LRRC37A2: variants seen among roughly 807,000 people sequenced by gnomAD.
LRRC37A2 encodes the protein leucine-rich repeat-containing protein 37A2.
In LRRC37A2, 9 loss-of-function variants were observed where a neutral mutation model predicts 68.8. That is an observed-to-expected ratio of 0.13 (90% CI 0.08 to 0.23). The LOEUF is 0.23. Among genes scored for constraint, LRRC37A2 ranks in the 10% least tolerant of loss-of-function variants. LRRC37A2 has a pLI of 1.00. For synonymous variants in LRRC37A2, 63 were observed against 367.6 expected, an observed-to-expected ratio of 0.17 and a Z score of 9.48; for missense variants, 168 against 950.4, an observed-to-expected ratio of 0.18 and a Z score of 10.82.
the LRRC37A2 span, among the ~76,000 whole-genome samples, chr17:47,002,903 T>C: frequency 2.5e-3 from 380 of 152,170 alleles, 1 homozygote; most frequent in African/African-American, 7.7e-3. Context: ...AAAATCAATA[T>C]AATGCCCTAA....
chr17:46,935,387 T>C, the LRRC37A2 span: 1 of 1,439,120 alleles, frequency 6.9e-7, no homozygotes, highest in South Asian at 1.5e-5. Flanking sequence ...AACCATGAAG[T>C]GGCCTCTCTT....
chr17:46,942,757 T>C, the LRRC37A2 span, among the ~76,000 whole-genome samples: 1 of 152,194 alleles, frequency 6.6e-6, no homozygotes, highest in Non-Finnish European at 1.5e-5. Context: ...CACACTGCCT[T>C]AGGCCTGCTG....
the LRRC37A2 span, among the ~76,000 whole-genome samples, chr17:46,877,282 C>G: frequency 1.2e-3 from 180 of 152,350 alleles, no homozygotes; most frequent in African/African-American, 4.1e-3. Flanking sequence ...GGAGAAAGCA[C>G]AGGTGGTAGA....
chr17:46,836,838 G>C, the LRRC37A2 span, among the ~76,000 whole-genome samples: 1 of 152,204 alleles, frequency 6.6e-6, no homozygotes, highest in Non-Finnish European at 1.5e-5. Flanking sequence ...TTTTTAAAAA[G>C]CTAGATGTGT....
the LRRC37A2 span, among the ~76,000 whole-genome samples, chr17:46,770,571 G>A: frequency 6.6e-6 from 1 of 152,112 alleles, no homozygotes; most frequent in African/African-American, 2.4e-5. Flanking sequence ...TCCTTTTCTC[G>A]GTCTCAGTCG....
chr17:46,866,888 C>G, the LRRC37A2 span, among the ~76,000 whole-genome samples: 3 of 152,142 alleles, frequency 2.0e-5, no homozygotes, highest in Non-Finnish European at 4.4e-5. Flanking sequence ...GCTTGGGGTC[C>G]TCTTAGGTGA....
At chr17:46,758,535 CATAAG>C in the LRRC37A2 span, among the ~76,000 whole-genome samples, 5 of 152,164 alleles carry the variant, frequency 3.3e-5, no homozygotes, top group African/African-American at 9.7e-5. Context: ...ATTTTTTTGT[CATAAG>C]ATGTTTTTGA....
the LRRC37A2 span, chr17:46,923,957 T>C: frequency 2.5e-6 from 1 of 398,424 alleles, no homozygotes; most frequent in Non-Finnish European, 4.4e-6. Context: ...CGGAATTTTA[T>C]GATTTTTATT....
the LRRC37A2 span, among the ~76,000 whole-genome samples, chr17:47,022,460 A>G: frequency 6.6e-6 from 1 of 151,014 alleles, no homozygotes; most frequent in Admixed American, 6.6e-5. Flanking sequence ...ATGAGCCACC[A>G]CCCGCAGCCC....
chr17:46,816,793 T>TCCTA, the LRRC37A2 span, among the ~76,000 whole-genome samples: 1 of 152,048 alleles, frequency 6.6e-6, no homozygotes. Flanking sequence ...AACCTTTCCT[T>TCCTA]CCTACCCTCC....
At chr17:46,813,046 G>A in the LRRC37A2 span, among the ~76,000 whole-genome samples, 2 of 152,154 alleles carry the variant, frequency 1.3e-5, no homozygotes, top group African/African-American at 2.4e-5. Flanking sequence ...AAGAGTGGGA[G>A]TGTTTGGGGC....
At chr17:46,713,619 G>A in the LRRC37A2 span, among the ~76,000 whole-genome samples, 1 of 152,156 alleles carries the variant, frequency 6.6e-6, no homozygotes, top group Non-Finnish European at 1.5e-5. Context: ...TTAAGGATAT[G>A]TGAGAATGTC....
the LRRC37A2 span, among the ~76,000 whole-genome samples, chr17:46,989,958 T>C: frequency 3.3e-5 from 5 of 152,198 alleles, no homozygotes; most frequent in African/African-American, 7.2e-5. Context: ...CACAGAATCA[T>C]GAGAAATAAT....
chr17:47,000,023 TA>T, the LRRC37A2 span, among the ~76,000 whole-genome samples: 46,924 of 75,188 alleles, frequency 0.62, 14,536 homozygotes, highest in South Asian at 0.76. Flanking sequence ...TAAAATAAAA[TA>T]AAATAAAATA....
the LRRC37A2 span, among the ~76,000 whole-genome samples, chr17:46,862,217 G>A: frequency 4.7e-4 from 71 of 151,616 alleles, no homozygotes; most frequent in African/African-American, 1.6e-3. Context: ...AGTAATATAG[G>A]AGGTAGGGGA....
At chr17:46,980,549 G>A in the LRRC37A2 span, among the ~76,000 whole-genome samples, 10 of 151,648 alleles carry the variant, frequency 6.6e-5, no homozygotes, top group African/African-American at 2.4e-4. Context: ...TAGGCCGGGC[G>A]CGGTGGCTCA....
At chr17:46,568,998 A>G in the LRRC37A2 span, among the ~76,000 whole-genome samples, 1 of 120,702 alleles carries the variant, frequency 8.3e-6, no homozygotes, top group Non-Finnish European at 1.7e-5. Context: ...GCTGGGGTGC[A>G]ATGGCGCAAT....
chr17:46,894,586 C>T, the LRRC37A2 span, among the ~76,000 whole-genome samples: 5 of 152,180 alleles, frequency 3.3e-5, no homozygotes, highest in Admixed American at 6.5e-5. Flanking sequence ...TGCGGGGGTC[C>T]CCTGGTGGAA....
the LRRC37A2 span, among the ~76,000 whole-genome samples, chr17:46,980,548 C>G: frequency 6.6e-6 from 1 of 151,502 alleles, no homozygotes; most frequent in Non-Finnish European, 1.5e-5. Flanking sequence ...GTAGGCCGGG[C>G]GCGGTGGCTC....
Sources: allele counts gnomAD v4.1 joint callset (sites outside exome capture counted in the v4.1 genomes callset), GRCh38; gene constraint gnomAD v4.1.1; transcripts MANE v1.5; gene names NCBI Gene and HGNC (gene_info 2026-07-23, HGNC 2026-07-21).